MYOM1: variants seen among roughly 807,000 people sequenced by gnomAD.
MYOM1 encodes the protein myomesin 1.
In MYOM1, 164 loss-of-function variants were observed where a neutral mutation model predicts 205.3. The ratio of observed to expected loss-of-function variants is 0.80; its 90% CI spans 0.70 to 0.91. MYOM1 has a LOEUF of 0.91. Ranked by LOEUF, MYOM1 falls within the 40% of genes least tolerant of loss-of-function variation. The pLI is 0.00. For synonymous variants in MYOM1, 772 were observed against 789.4 expected (o/e 0.98, Z 0.37); for missense variants, 2,011 against 2,127.3 (o/e 0.95, Z 1.08).
chr18:3,110,675 T>C (rs1290384514), intron 22 of MYOM1, among the ~76,000 whole-genome samples: 1 of 152,072 alleles, frequency 6.6e-6, no homozygotes, highest in Non-Finnish European at 1.5e-5. Context: ...CCCAAATTGC[T>C]AAGTAAACAA....
intron 14 of MYOM1, among the ~76,000 whole-genome samples, chr18:3,136,982 G>A (rs1010262597): frequency 6.8e-5 from 10 of 146,822 alleles, no homozygotes; most frequent in Admixed American, 1.4e-4. Flanking sequence ...ACGGAGTCTC[G>A]CTGGGTCGCC....
At chr18:3,123,949 G>C (rs531639478) in intron 19 of MYOM1, among the ~76,000 whole-genome samples, 1 of 151,336 alleles carries the variant, frequency 6.6e-6, no homozygotes, top group African/African-American at 2.5e-5. Context: ...AGCCTCCTGA[G>C]TAAAAGGTAT....
intron 2 of MYOM1, among the ~76,000 whole-genome samples, chr18:3,204,578 A>G (rs2081107763): frequency 6.6e-6 from 1 of 152,014 alleles, no homozygotes; most frequent in Admixed American, 6.5e-5. Context: ...TGAAAGAACA[A>G]CTAAATAAAT....
the MYOM1 span, among the ~76,000 whole-genome samples, chr18:3,235,049 G>A: frequency 5.3e-5 from 8 of 151,914 alleles, no homozygotes; most frequent in Non-Finnish European, 1.0e-4. Context: ...AAGCCACTGC[G>A]CCTGGCCCGA....
rs2230166 is a variant in MYOM1, at chr18:3,188,859, A to G, written c.660T>C (p.Ser220=). ...CGGATGTGGCCTGTTTGGAAACCAC[A>G]GACTGCCTGGATGCCGTGGACTGCC... ...ASRQSTASRQ[S]VVSKQATSAL... The change falls in exon 4 of 38, where the codon TCT becomes TCC. Residue 220 remains serine, a synonymous_variant. Coordinates refer to ENST00000356443, the MANE Select transcript of MYOM1 (RefSeq NM_003803.4). The G allele has an allele frequency of 0.062, 99,501 of 1,613,030 alleles. 3,965 individuals are homozygous for G. The highest frequency in any genetic ancestry group is 0.19 in the African/African-American group (14,123 of 74,652).
At chr18:3,158,502 C>T (rs976129244) in intron 10 of MYOM1, among the ~76,000 whole-genome samples, 2 of 152,240 alleles carry the variant, frequency 1.3e-5, no homozygotes, top group Non-Finnish European at 2.9e-5. Context: ...CAAATTTATA[C>T]TCACCAGCCA....
chr18:3,072,205 C>T (rs566758486), intron 36 of MYOM1, among the ~76,000 whole-genome samples: 11 of 151,760 alleles, frequency 7.2e-5, no homozygotes, highest in East Asian at 1.9e-4. Context: ...CACCTGCCAC[C>T]GTGCCCAGCT....
chr18:3,096,741 G>T (rs1370475120), intron 25 of MYOM1, among the ~76,000 whole-genome samples: 2 of 152,072 alleles, frequency 1.3e-5, no homozygotes, highest in African/African-American at 4.8e-5. Flanking sequence ...GGTAAAAACC[G>T]GTGTCTGCAA....
At chr18:3,126,654 A>G in intron 19 of MYOM1, 47 bp downstream of exon 19, 1 of 1,539,532 alleles carries the variant, frequency 6.5e-7, no homozygotes, top group African/African-American at 1.4e-5. Context: ...GTGCAAGCAT[A>G]GCGTCATACA....
chr18:3,238,677 A>G, the MYOM1 span, among the ~76,000 whole-genome samples: 1 of 152,320 alleles, frequency 6.6e-6, no homozygotes, highest in Non-Finnish European at 1.5e-5. Context: ...CAACTTAGTC[A>G]TCTTACAATC....
intron 16 of MYOM1, among the ~76,000 whole-genome samples, chr18:3,131,928 T>C (rs900553213): frequency 2.6e-5 from 4 of 151,346 alleles, no homozygotes; most frequent in African/African-American, 9.7e-5. Context: ...AATTTTCATG[T>C]AGAGGTTAGT....
At position 3,129,334 on chromosome 18, in the gene MYOM1, T is replaced by A; in HGVS notation, c.2692A>T (p.Lys898Ter). 1 of 1,614,032 alleles carries A rather than the reference T, an allele frequency of 6.2e-7. No individual in the cohort carries two copies. Among genetic ancestry groups the A allele is most frequent in the Non-Finnish European group, 8.5e-7 (1 of 1,179,890 alleles). Residue 898 changes from lysine to a stop codon, truncating the protein, a stop_gained, in exon 18 of 38, where the codon AAA (lysine) becomes TAA (stop). Coordinates refer to ENST00000356443, the MANE Select transcript of MYOM1 (RefSeq NM_003803.4). LOFTEE classifies it high-confidence loss of function. ...TCTTCCTGAACTGTTTCACTTACTTTACTCACTTCTGTTTGGCCCAGGTTT... is the reference window on the plus strand; with the variant it reads ...TCTTCCTGAACTGTTTCACTTACTTAACTCACTTCTGTTTGGCCCAGGTTT... The part of the protein sequence containing the change: ...SQNLGQTEVS[K>*]VSETVQEELT...
chr18:3,083,685 A>T (rs1395268635), intron 33 of MYOM1, 104 bp downstream of exon 33: 1 of 760,604 alleles, frequency 1.3e-6, no homozygotes, highest in African/African-American at 1.8e-5. Flanking sequence ...ACCTCAAATG[A>T]TCCACCTGCC....
intron 5 of MYOM1, 146 bp from the exon 6 acceptor site, chr18:3,176,280 T>C: frequency 3.5e-6 from 2 of 578,874 alleles, no homozygotes; most frequent in Non-Finnish European, 6.2e-6. Context: ...ATGTAAATCA[T>C]ATTGGCTTAC....
intron 13 of MYOM1, among the ~76,000 whole-genome samples, chr18:3,144,994 T>C (rs928253985): frequency 6.6e-6 from 1 of 152,170 alleles, no homozygotes; most frequent in Non-Finnish European, 1.5e-5. Flanking sequence ...TTAATATTTA[T>C]AAAACTCAAC....
At chr18:3,160,768 G>T (rs2080380016) in intron 10 of MYOM1, among the ~76,000 whole-genome samples, 1 of 152,100 alleles carries the variant, frequency 6.6e-6, no homozygotes, top group Admixed American at 6.6e-5. Context: ...CTGATAAACT[G>T]AGAATCTTTC....
chr18:3,136,925 C>A (rs756220855), intron 14 of MYOM1, among the ~76,000 whole-genome samples: 3 of 151,834 alleles, frequency 2.0e-5, no homozygotes, highest in Admixed American at 2.0e-4. Flanking sequence ...AGTACATAAT[C>A]AACTACAGTA....
At position 3,102,547 on chromosome 18, in the gene MYOM1, C is replaced by G. The variant is rs765967318; in HGVS notation, c.3502G>C (p.Glu1168Gln). Residue 1168 changes from glutamate (E) to glutamine (Q), a missense_variant, in exon 23 of 38, where the codon GAG becomes CAG. Physicochemically the swap from Glu to Gln is conservative, Grantham distance 29. Coordinates refer to ENST00000356443, the MANE Select transcript of MYOM1 (RefSeq NM_003803.4). The part of the protein sequence containing the change: ...FECDKMTPKS[E>Q]FSWSKDYVST... ...ACATAATCTTTGGACCAGGAGAACT[C>G]GGACTTTGGAGTCATCTTATCACAC... 2 of 1,613,872 alleles carry G rather than the reference C, an allele frequency of 1.2e-6. No individual in the cohort carries two copies. The highest frequency in any genetic ancestry group is 1.3e-5 in the African/African-American group (1 of 75,028).
In MYOM1 at chr18:3,187,623, C is replaced by T; in HGVS notation, c.786G>A (p.Glu262=). The T allele has an allele frequency of 6.2e-7, 1 of 1,602,382 alleles. No homozygotes were observed. ...LSLRKTLEET[E]TYHAKLNEDH... is the part of the protein sequence containing the mutation. ...CTTCATTCAGCTTGGCATGATATGT[C>T]TCGGTTTCTTCTAACTGAAAAAACA... Residue 262 remains glutamate (E), a synonymous_variant, in exon 5 of 38, where the codon GAG becomes GAA. Transcript: ENST00000356443.
Sources: allele counts gnomAD v4.1 joint callset (sites outside exome capture counted in the v4.1 genomes callset), GRCh38; gene constraint gnomAD v4.1.1; transcripts MANE v1.5; gene names NCBI Gene and HGNC (gene_info 2026-07-23, HGNC 2026-07-21).